Variants in FAM53A observed in about 807,000 individuals in gnomAD.
FAM53A encodes family with sequence similarity 53 member A, also known as protein FAM53A.
A neutral mutation model predicts 26.6 loss-of-function variants in FAM53A; 28 were observed. The observed-to-expected ratio is 1.05, with a 90% confidence interval of 0.78 to 1.45. The LOEUF is 1.45. Among genes scored for constraint, FAM53A ranks in the 40% most tolerant of loss-of-function variants. The pLI, the probability that FAM53A is intolerant of heterozygous loss-of-function variation, is 0.00. For synonymous variants in FAM53A, 290 were observed against 253.1 expected (o/e 1.15, Z -1.38); for missense variants, 650 against 575.8 (o/e 1.13, Z -1.32).
chr4:1,649,176 A>AAAGGGAAGGGGAAG (rs1560151128), intron 4 of FAM53A, among the ~76,000 whole-genome samples: 1 of 106,082 alleles, frequency 9.4e-6, no homozygotes, highest in African/African-American at 4.8e-5. Context: ...GGAAAGGGAA[A>AAAGGGAAGGGGAAG]GGGAAGGGGA....
chr4:1,660,313 T>A (rs1163451940), intron 2 of FAM53A, among the ~76,000 whole-genome samples: 2 of 148,962 alleles, frequency 1.3e-5, no homozygotes, highest in African/African-American at 5.1e-5. Flanking sequence ...AAATCTGTAC[T>A]TCAGGGCCGG....
chr4:1,662,112 T>G (rs1354633804), intron 2 of FAM53A, among the ~76,000 whole-genome samples: 2 of 151,834 alleles, frequency 1.3e-5, no homozygotes, highest in Non-Finnish European at 2.9e-5. Context: ...GAGGACCCAT[T>G]GAGCACAAGA....
rs188312168 is a variant in FAM53A, at chr4:1,670,695, G to A, written c.-164-1790C>T. On this transcript the variant is annotated intron_variant, in intron 1 of 4. Coordinates refer to ENST00000308132, the MANE Select transcript of FAM53A (RefSeq NM_001174070.3). ...AGAGGGGTGTCGTGCACTGGGCTAG[G>A]GTCAGCCGGGCCCACTTGTGATGCT... Among the ~76,000 whole-genome samples the A allele has an allele frequency of 1.2e-4, 18 of 152,288 alleles. No individual in the cohort carries two copies. The East Asian group carries it at 3.3e-3, about 28-fold the overall frequency.
intron 1 of FAM53A, chr4:1,683,902 G>T (rs1003028004): frequency 2.0e-5 from 3 of 152,242 alleles, no homozygotes; most frequent in African/African-American, 7.2e-5. Flanking sequence ...GGTCGCCGGG[G>T]AAGTCTGGCC....
At chr4:1,619,797 G>A (rs4865443) in intron 1 of FAM53A, among the ~76,000 whole-genome samples, 39,833 of 152,158 alleles carry the variant, frequency 0.26, 5,606 homozygotes, top group Admixed American at 0.36. Context: ...CCCTGTCCTG[G>A]GCATGTCAGG....
Position 1,659,435 on chromosome 4 carries a change from G to T in FAM53A, c.76-1967C>A, listed in dbSNP as rs904307906. 6.6e-6 allele frequency among the ~76,000 whole-genome samples: 1 copy of T among 152,230 alleles called. No homozygotes were observed. The highest frequency in any genetic ancestry group is 2.4e-5 in the African/African-American group (1 of 41,466). ...CAGCACCCAGCTCGACGCTGCCACG[G>T]AAAAACGTCTAGCAAGGAAAGGACT... is the stretch of plus-strand genomic sequence containing the variant. On this transcript the variant is annotated intron_variant, in intron 2 of 4. Coordinates refer to ENST00000308132, the MANE Select transcript of FAM53A (RefSeq NM_001174070.3). This position sits in a 1 kb window ranked among gnomAD's most constrained non-coding sequence, Gnocchi z 5.2.
the FAM53A span, among the ~76,000 whole-genome samples, chr4:1,611,727 T>C: frequency 6.6e-6 from 1 of 151,966 alleles, no homozygotes; most frequent in African/African-American, 2.4e-5. Context: ...GCATGGAGGG[T>C]GAGGGCCCCC....
At chr4:1,649,801 C>T (rs544229076) in intron 4 of FAM53A, among the ~76,000 whole-genome samples, 24 of 152,238 alleles carry the variant, frequency 1.6e-4, no homozygotes, top group Admixed American at 5.2e-4. Context: ...CTCCGGGACC[C>T]CTGAGGTGGC....
rs997025217 is a variant in FAM53A, at chr4:1,630,485, G to A, written c.432-12374C>T. 2.6e-5 allele frequency among the ~76,000 whole-genome samples: 4 copies of A among 152,234 alleles called. No individual in the cohort carries two copies. Among genetic ancestry groups the A allele is most frequent in the African/African-American group, 4.8e-5 (2 of 41,458 alleles). On this transcript the variant is annotated intron_variant, in intron 1 of 1. Coordinates refer to the FAM53A transcript ENST00000489029. This position sits in a 1 kb window ranked among gnomAD's most constrained non-coding sequence, Gnocchi z 4.3. ...TGCCGACCCCCAACTCATGGATCAC[G>A]TGTCACGAATCGTGTATGGGGACAC...
intron 2 of FAM53A, among the ~76,000 whole-genome samples, chr4:1,668,414 A>G (rs1714394915): frequency 6.6e-6 from 1 of 152,226 alleles, no homozygotes; most frequent in African/African-American, 2.4e-5. Context: ...TGCTGGGATT[A>G]CAGGCATGAG....
the FAM53A span, among the ~76,000 whole-genome samples, chr4:1,605,115 C>T: frequency 6.6e-6 from 1 of 152,324 alleles, no homozygotes; most frequent in South Asian, 2.1e-4. This position sits in a 1 kb window ranked among gnomAD's most constrained non-coding sequence, Gnocchi z 5.7. Flanking sequence ...GTGGCAGCAC[C>T]AACCACTCCA....
At chr4:1,597,536 C>T in the FAM53A span, among the ~76,000 whole-genome samples, 19 of 152,216 alleles carry the variant, frequency 1.2e-4, no homozygotes, top group Non-Finnish European at 2.2e-4. Context: ...TCCAGACCCC[C>T]AGCCCCTCCC....
downstream of FAM53A, among the ~76,000 whole-genome samples, chr4:1,638,686 C>A (rs773258562): frequency 2.6e-5 from 4 of 152,048 alleles, no homozygotes; most frequent in Non-Finnish European, 5.9e-5. Flanking sequence ...GGGTGGGGGG[C>A]GGCTGGTGAC....
Position 1,644,606 on chromosome 4 carries a change from C to A in FAM53A, c.883-2999G>T, listed in dbSNP as rs994418073. 1.8e-5 allele frequency: 8 copies of A among 446,328 alleles called. No homozygotes were observed. In the Admixed American group the frequency reaches 2.6e-4, roughly 15 times the overall value. 27.6% of individuals were successfully genotyped at this position (446,328 alleles called of 1,614,324 possible). A position where few individuals can be genotyped will look rare whatever the true frequency, so the allele number is the denominator to read the frequency against. ...CCAGCCCCGGGGCTCCGTCCCAGCT[C>A]CTGCTACCATCACTCTGGTTGGATG... On this transcript the variant is annotated intron_variant, in intron 4 of 4. Coordinates refer to ENST00000308132, the MANE Select transcript of FAM53A (RefSeq NM_001174070.3).
At chr4:1,644,609 G>A (rs1285893220) in intron 4 of FAM53A, 1 of 440,410 alleles carries the variant, frequency 2.3e-6, no homozygotes, top group Non-Finnish European at 4.1e-6. Flanking sequence ...CCCAGCTCCT[G>A]CTACCATCAC....
the FAM53A span, among the ~76,000 whole-genome samples, chr4:1,597,277 C>T: frequency 6.6e-6 from 1 of 152,246 alleles, no homozygotes; most frequent in South Asian, 2.1e-4. Flanking sequence ...TGCCTCTGCT[C>T]CTCCCCCCAC....
chr4:1,645,767 G>A (rs1267252397), intron 4 of FAM53A, among the ~76,000 whole-genome samples: 2 of 152,232 alleles, frequency 1.3e-5, no homozygotes, highest in Non-Finnish European at 2.9e-5. Context: ...GAGAAGGTCT[G>A]AGAAAACAAG....
At chr4:1,618,725 C>A (rs1469880564) in intron 1 of FAM53A, among the ~76,000 whole-genome samples, 1 of 152,184 alleles carries the variant, frequency 6.6e-6, no homozygotes, top group Admixed American at 6.5e-5. Flanking sequence ...GAAAACGTGG[C>A]TGGAGGGATG....
At chr4:1,607,230 G>A in the FAM53A span, among the ~76,000 whole-genome samples, 3 of 152,136 alleles carry the variant, frequency 2.0e-5, no homozygotes, top group African/African-American at 7.2e-5. Flanking sequence ...TATTAGCCAG[G>A]CTGGTCTTGA....
Sources: allele counts gnomAD v4.1 joint callset (sites outside exome capture counted in the v4.1 genomes callset), GRCh38; gene constraint gnomAD v4.1.1; non-coding constraint Gnocchi (gnomAD v3.1); transcripts MANE v1.5; gene names NCBI Gene and HGNC (gene_info 2026-07-23, HGNC 2026-07-21).